The following KIAA0825 variants were observed in gnomAD, a reference collection of about 807,000 sequenced individuals.
The protein encoded by KIAA0825 is KIAA0825, also known as uncharacterized protein KIAA0825.
KIAA0825 carries 119 observed loss-of-function variants against 147.6 expected under a neutral mutation model. The observed-to-expected ratio is 0.81, with a 90% CI of 0.69 to 0.94. The LOEUF (loss-of-function observed/expected upper bound fraction) is 0.94. KIAA0825 is among the 40% of genes least tolerant of loss of function. KIAA0825 has a pLI of 0.00. For synonymous variants in KIAA0825, 470 were observed against 518.1 expected (o/e 0.91, Z 1.26); for missense variants, 1,381 against 1,472.7 (o/e 0.94, Z 1.02).
At chr5:94,203,235 T>C (rs945212792) in intron 20 of KIAA0825, among the ~76,000 whole-genome samples, 1 of 152,210 alleles carries the variant, frequency 6.6e-6, no homozygotes, top group African/African-American at 2.4e-5. Flanking sequence ...CTTACAGATT[T>C]TTCTCTCAGG....
intron 20 of KIAA0825, among the ~76,000 whole-genome samples, chr5:94,326,210 A>G (rs1335248035): frequency 2.0e-5 from 3 of 152,156 alleles, no homozygotes; most frequent in East Asian, 1.9e-4. Context: ...TAAAAAATCA[A>G]TCATCAAATG....
intron 20 of KIAA0825, among the ~76,000 whole-genome samples, chr5:94,232,853 T>C (rs1774809661): frequency 1.3e-5 from 2 of 152,138 alleles, no homozygotes; most frequent in Admixed American, 6.5e-5. Context: ...AGACATAAGA[T>C]TCTTGCATAA....
chr5:94,201,752 A>G (rs1267778769), intron 20 of KIAA0825, among the ~76,000 whole-genome samples: 1 of 152,176 alleles, frequency 6.6e-6, no homozygotes, highest in Non-Finnish European at 1.5e-5. Flanking sequence ...AACTTTATTC[A>G]GAACCATTGT....
intron 20 of KIAA0825, among the ~76,000 whole-genome samples, chr5:94,177,832 C>G (rs1377726980): frequency 1.3e-5 from 2 of 152,014 alleles, no homozygotes; most frequent in African/African-American, 2.4e-5. Context: ...TGAGTTCCTA[C>G]TATGAGTCAG....
At chr5:94,240,933 C>G (rs1423813894) in intron 20 of KIAA0825, among the ~76,000 whole-genome samples, 4 of 152,160 alleles carry the variant, frequency 2.6e-5, no homozygotes, top group Non-Finnish European at 5.9e-5. Flanking sequence ...CAGATACATT[C>G]AGATACTTTA....
At chr5:94,240,800 G>A (rs192700413) in intron 20 of KIAA0825, among the ~76,000 whole-genome samples, 2 of 152,304 alleles carry the variant, frequency 1.3e-5, no homozygotes, top group Non-Finnish European at 1.5e-5. Flanking sequence ...TTAGCTCACC[G>A]TAAGTAAATT....
In KIAA0825 at chr5:94,396,454, C is replaced by G; in HGVS notation, c.2943G>C (p.Thr981=). The change falls in exon 17 of 21, where the codon ACG becomes ACC. Residue 981 remains threonine, a synonymous_variant. Transcript: ENST00000682413. ...AVSIVISKLP[T]VIACLPPPVK... ...CTGGGGGAGGCAAACATGCAATCAC[C>G]GTAGGTAACTTGCTGATTACAATAG... 6.5e-7 allele frequency: 1 copy of G among 1,537,472 alleles called. No individual in the cohort carries two copies. Among genetic ancestry groups the G allele is most frequent in the South Asian group, 1.2e-5 (1 of 81,008 alleles).
intron 14 of KIAA0825, among the ~76,000 whole-genome samples, chr5:94,424,039 C>CT (rs1562483504): frequency 6.6e-6 from 1 of 152,040 alleles, no homozygotes; most frequent in Non-Finnish European, 1.5e-5. Context: ...ATTAATATAA[C>CT]TTTTTTTACA....
intron 14 of KIAA0825, among the ~76,000 whole-genome samples, chr5:94,437,815 G>T (rs191085966): frequency 6.6e-6 from 1 of 152,134 alleles, no homozygotes; most frequent in Non-Finnish European, 1.5e-5. Context: ...TCTCAGCTTT[G>T]TTAGATATTA....
chr5:94,239,226 A>T (rs1775222774), intron 20 of KIAA0825, among the ~76,000 whole-genome samples: 1 of 152,178 alleles, frequency 6.6e-6, no homozygotes, highest in South Asian at 2.1e-4. Flanking sequence ...GCACTATAGT[A>T]ACCCCGCTTC....
At chr5:94,165,074 A>G (rs1767911254) in intron 20 of KIAA0825, among the ~76,000 whole-genome samples, 3 of 152,152 alleles carry the variant, frequency 2.0e-5, no homozygotes, top group African/African-American at 4.8e-5. Flanking sequence ...CAAAGAGACA[A>G]CCCACAGAAT....
At chr5:94,518,938 T>C (rs1052186753) in intron 5 of KIAA0825, among the ~76,000 whole-genome samples, 1 of 152,104 alleles carries the variant, frequency 6.6e-6, no homozygotes, top group African/African-American at 2.4e-5. Flanking sequence ...GAAAAGACTT[T>C]ACAAGTAAGC....
intron 7 of KIAA0825, among the ~76,000 whole-genome samples, chr5:94,473,826 A>G (rs1369922532): frequency 1.3e-5 from 2 of 152,224 alleles, no homozygotes; most frequent in Non-Finnish European, 2.9e-5. Context: ...TTACAAGAAC[A>G]GAAAGCTACA....
intron 20 of KIAA0825, among the ~76,000 whole-genome samples, chr5:94,349,299 A>ATTAC (rs1056522198): frequency 1.3e-5 from 2 of 152,226 alleles, no homozygotes; most frequent in Admixed American, 1.3e-4. Context: ...TTATAAAACA[A>ATTAC]TTACTAATGG....
intron 2 of KIAA0825, among the ~76,000 whole-genome samples, chr5:94,539,553 A>T (rs1772847401): frequency 6.6e-6 from 1 of 152,040 alleles, no homozygotes; most frequent in Non-Finnish European, 1.5e-5. Context: ...GCAAACCCCA[A>T]AGGGATGATA....
At chr5:94,340,632 G>A (rs922504716) in intron 20 of KIAA0825, among the ~76,000 whole-genome samples, 3 of 152,142 alleles carry the variant, frequency 2.0e-5, no homozygotes, top group African/African-American at 7.2e-5. Context: ...TCCTGTTGCA[G>A]TGAAATATAA....
intron 5 of KIAA0825, among the ~76,000 whole-genome samples, chr5:94,492,294 T>G (rs183644579): frequency 2.0e-5 from 3 of 152,346 alleles, no homozygotes; most frequent in Admixed American, 2.0e-4. Flanking sequence ...GACAAATTAC[T>G]TAGTCTCTTT....
intron 2 of KIAA0825, among the ~76,000 whole-genome samples, chr5:94,537,913 G>C (rs1039923623): frequency 4.6e-5 from 7 of 152,142 alleles, no homozygotes; most frequent in Admixed American, 3.9e-4. Context: ...AACTGTCCTT[G>C]AGTTTCTCTA....
chr5:94,435,901 C>G (rs928319116), intron 14 of KIAA0825, among the ~76,000 whole-genome samples: 18 of 151,980 alleles, frequency 1.2e-4, no homozygotes, highest in African/African-American at 4.3e-4. Context: ...TTTCATATAA[C>G]TGTTGGCTGC....
Sources: gnomAD v4.1 joint callset for allele counts (sites outside exome capture counted in the v4.1 genomes callset) on GRCh38, gnomAD v4.1.1 for gene constraint, MANE v1.5 for transcripts, NCBI Gene and HGNC (gene_info 2026-07-23, HGNC 2026-07-21) for gene names.